Variants in SPTBN1 observed in about 807,000 individuals in gnomAD.
SPTBN1 encodes spectrin beta, non-erythrocytic 1, also known as spectrin beta chain, non-erythrocytic 1.
A neutral mutation model predicts 266.4 loss-of-function variants in SPTBN1; 32 were observed. The ratio of observed to expected loss-of-function variants is 0.12; its 90% CI spans 0.09 to 0.16. SPTBN1 has a LOEUF of 0.16. SPTBN1 is among the 10% of genes least tolerant of loss of function. SPTBN1 has a pLI of 1.00. For missense variants in SPTBN1, 2,296 were observed against 3,067.1 expected (o/e 0.75, Z 5.94); for synonymous variants, 1,336 against 1,162.2 (o/e 1.15, Z -3.04).
At chr2:54,634,770 C>G (rs1679001427) in intron 17 of SPTBN1, among the ~76,000 whole-genome samples, 1 of 152,226 alleles carries the variant, frequency 6.6e-6, no homozygotes, top group African/African-American at 2.4e-5. Flanking sequence ...TGCTTACGTT[C>G]AGGAAGTTTC....
intron 2 of SPTBN1, among the ~76,000 whole-genome samples, chr2:54,577,292 C>T (rs1032604953): frequency 5.9e-5 from 9 of 152,024 alleles, no homozygotes; most frequent in African/African-American, 1.9e-4. Flanking sequence ...AATGCATGGC[C>T]GTTTACTCTG....
intron 32 of SPTBN1, chr2:54,661,694 T>A: frequency 2.0e-6 from 2 of 985,862 alleles, no homozygotes; most frequent in Non-Finnish European, 2.4e-6. Context: ...CCAAGTTACA[T>A]TTTGTGTTTC....
chr2:54,463,521 C>T (rs7578711), intron 1 of SPTBN1, among the ~76,000 whole-genome samples: 24,516 of 152,174 alleles, frequency 0.16, 2,095 homozygotes, highest in African/African-American at 0.19. Flanking sequence ...CTCGCTCACA[C>T]GCTAAGTGAC....
chr2:54,503,086 C>A (rs1229781739), intron 1 of SPTBN1, among the ~76,000 whole-genome samples: 1 of 152,184 alleles, frequency 6.6e-6, no homozygotes, highest in Non-Finnish European at 1.5e-5. Context: ...GTTTGGTGAT[C>A]CCTGTGTTTA....
At chr2:54,493,016 T>C (rs1668774653) in intron 1 of SPTBN1, among the ~76,000 whole-genome samples, 1 of 149,346 alleles carries the variant, frequency 6.7e-6, no homozygotes, top group Admixed American at 6.6e-5. Flanking sequence ...TTTTTTTTTT[T>C]TTTTTTTGAG....
intron 1 of SPTBN1, among the ~76,000 whole-genome samples, chr2:54,471,003 A>T (rs1693891265): frequency 6.6e-6 from 1 of 152,210 alleles, no homozygotes; most frequent in African/African-American, 2.4e-5. Context: ...CTTTATGTAT[A>T]GCCCAAGACA....
chr2:54,457,492 G>A (rs1047136766), intron 1 of SPTBN1, among the ~76,000 whole-genome samples: 1 of 152,232 alleles, frequency 6.6e-6, no homozygotes, highest in African/African-American at 2.4e-5. Context: ...CAGATAGTAA[G>A]TGAGGACAGG....
rs555083249 is a variant in SPTBN1 at position 54,575,737 on chromosome 2, C to T, written c.149-23355C>T. The stretch of plus-strand genomic sequence containing the variant: ...GTTATGATGCAATTAAGCAGTGACT[C>T]AGTGGCGTGAAGGCTCAGTTTCGAT... On this transcript the variant is annotated intron_variant, in intron 2 of 35. Transcript: ENST00000356805. Among the ~76,000 whole-genome samples the T allele has an allele frequency of 1.8e-4, 27 of 152,322 alleles. 1 individual carries two copies. The highest frequency in any genetic ancestry group is 1.6e-3 in the Admixed American group (24 of 15,304).
chr2:54,589,737 A>G lies in SPTBN1; in HGVS notation c.149-9355A>G, dbSNP rs945372375. Among the ~76,000 whole-genome samples, 8 of 152,322 alleles carry G rather than the reference A, an allele frequency of 5.3e-5. 1 individual carries two copies. Among genetic ancestry groups the G allele is most frequent in the East Asian group, 3.9e-4 (2 of 5,190 alleles). On this transcript the variant is annotated intron_variant, in intron 2 of 35. Transcript: ENST00000356805. ...GTTTCCTTCCTGTTGCTGCCTCAAGATAACAGTTGGATTCTCTGTTATCAA... is the reference window on the plus strand; with the variant it reads ...GTTTCCTTCCTGTTGCTGCCTCAAGGTAACAGTTGGATTCTCTGTTATCAA...
At chr2:54,632,827 A>G (rs1357873201) in intron 17 of SPTBN1, 59 bp downstream of exon 17, 2 of 1,572,858 alleles carry the variant, frequency 1.3e-6, no homozygotes, top group Non-Finnish European at 1.7e-6. Flanking sequence ...AAACTTCTGA[A>G]TCATTGGCCA....
intron 1 of SPTBN1, among the ~76,000 whole-genome samples, chr2:54,495,163 G>T (rs1573270215): frequency 1.1e-5 from 1 of 95,090 alleles, no homozygotes. Flanking sequence ...AGAATCATAG[G>T]AGGTTGCAGG....
chr2:54,619,171 T>A (rs1677831890), intron 7 of SPTBN1, among the ~76,000 whole-genome samples: 1 of 152,228 alleles, frequency 6.6e-6, no homozygotes, highest in South Asian at 2.1e-4. Flanking sequence ...CAAAGGCAGA[T>A]CAAGGTCATG....
At chr2:54,470,471 G>A (rs1490557793) in intron 1 of SPTBN1, among the ~76,000 whole-genome samples, 1 of 152,114 alleles carries the variant, frequency 6.6e-6, no homozygotes, top group East Asian at 1.9e-4. Context: ...TCGGTAGCTG[G>A]CCTATCTCTG....
chr2:54,610,340 T>C (rs1476724392), intron 3 of SPTBN1, among the ~76,000 whole-genome samples: 1 of 152,232 alleles, frequency 6.6e-6, no homozygotes, highest in Non-Finnish European at 1.5e-5. Context: ...GATGACTTCA[T>C]TTTTTCTCAA....
At chr2:54,637,675 T>C (rs1424719844) in intron 17 of SPTBN1, 38 bp from the exon 18 acceptor site, 6 of 1,503,482 alleles carry the variant, frequency 4.0e-6, no homozygotes, top group Non-Finnish European at 5.5e-6. Context: ...ATTCTCTACT[T>C]CCTTTTTTAA....
intron 1 of SPTBN1, among the ~76,000 whole-genome samples, chr2:54,462,417 G>A (rs1693410326): frequency 6.6e-6 from 1 of 152,156 alleles, no homozygotes; most frequent in Non-Finnish European, 1.5e-5. Flanking sequence ...TATCAGTTTA[G>A]GTTCTGGTTC....
At chr2:54,508,130 C>G (rs953150704) in intron 1 of SPTBN1, among the ~76,000 whole-genome samples, 3 of 152,126 alleles carry the variant, frequency 2.0e-5, no homozygotes, top group Non-Finnish European at 4.4e-5. Context: ...ATACCAACAG[C>G]CTGAGAAACT....
At chr2:54,643,299 T>C (rs901479948) in intron 19 of SPTBN1, among the ~76,000 whole-genome samples, 170 bp downstream of exon 19, 95 of 152,170 alleles carry the variant, frequency 6.2e-4, no homozygotes, top group African/African-American at 2.2e-3. Flanking sequence ...CTTCAACCCA[T>C]CAAAAGGGAA....
At chr2:54,667,180 A>G (rs1041463447) in intron 34 of SPTBN1, among the ~76,000 whole-genome samples, 8 of 152,216 alleles carry the variant, frequency 5.3e-5, no homozygotes, top group African/African-American at 1.9e-4. Flanking sequence ...CTGTTTGCCT[A>G]TTCTGAAACT....
Sources: gnomAD v4.1 joint callset for allele counts (sites outside exome capture counted in the v4.1 genomes callset) on GRCh38, gnomAD v4.1.1 for gene constraint, MANE v1.5 for transcripts, NCBI Gene and HGNC (gene_info 2026-07-23, HGNC 2026-07-21) for gene names.